The following CALN1 variants were observed in gnomAD, a reference collection of about 807,000 sequenced individuals.
CALN1 encodes calneuron 1, also known as calcium-binding protein 8.
CALN1 carries 17 observed loss-of-function variants against 30.6 expected under a neutral mutation model. The observed-to-expected ratio is 0.56, with a 90% confidence interval of 0.38 to 0.83. The LOEUF (loss-of-function observed/expected upper bound fraction) is 0.83, where lower values mean the gene tolerates loss of function less well. Ranked by LOEUF, CALN1 falls within the 40% of genes least tolerant of loss-of-function variation. The pLI, the probability that CALN1 is intolerant of heterozygous loss-of-function variation, is 0.00. For missense variants in CALN1, 291 were observed against 354.9 expected (o/e 0.82, Z 1.45); for synonymous variants, 156 against 131.4 (o/e 1.19, Z -1.28).
chr7:72,199,939 G>A (rs1314776030), intron 3 of CALN1, among the ~76,000 whole-genome samples: 1 of 152,098 alleles, frequency 6.6e-6, no homozygotes, highest in Non-Finnish European at 1.5e-5. Context: ...GCTTGTCCTG[G>A]TTCTACCTCA....
intron 3 of CALN1, among the ~76,000 whole-genome samples, chr7:72,243,212 C>G (rs1030490402): frequency 6.6e-6 from 1 of 151,356 alleles, no homozygotes; most frequent in Non-Finnish European, 1.5e-5. Context: ...GGACTGAGCT[C>G]TCTCTCTCTC....
intron 4 of CALN1, among the ~76,000 whole-genome samples, chr7:72,090,134 C>CT (rs1805754389): frequency 6.6e-6 from 1 of 151,984 alleles, no homozygotes; most frequent in Admixed American, 6.6e-5. Flanking sequence ...CCCATGTCTA[C>CT]TAAAAAAAAG....
chr7:72,260,578 T>C (rs1796198457), intron 3 of CALN1, among the ~76,000 whole-genome samples: 1 of 152,144 alleles, frequency 6.6e-6, no homozygotes, highest in South Asian at 2.1e-4. Flanking sequence ...AGGGCACTTT[T>C]CCCAGAAAGA....
In CALN1 at chr7:72,063,748, T is replaced by A. The variant is rs142604716; in HGVS notation, c.389-39979A>T. Among the ~76,000 whole-genome samples the A allele has an allele frequency of 2.9e-3, 445 of 152,324 alleles. 2 individuals carry two copies. Among genetic ancestry groups the A allele is most frequent in the Admixed American group, 6.6e-3 (101 of 15,300 alleles). On this transcript the variant is annotated intron_variant, in intron 4 of 6. Transcript: ENST00000395275. Reference sequence around the variant, plus strand: ...ATCTGAAACATTTTGAGTGACAACCTGACGTGGAAAGGAAATGCTCATTGG... The same window carrying A: ...ATCTGAAACATTTTGAGTGACAACCAGACGTGGAAAGGAAATGCTCATTGG...
At chr7:72,099,056 C>T (rs1383677418) in intron 4 of CALN1, among the ~76,000 whole-genome samples, 12 of 152,262 alleles carry the variant, frequency 7.9e-5, no homozygotes, top group Non-Finnish European at 1.5e-4. Flanking sequence ...GAATTCCAGC[C>T]GGGCCTCGTG....
At chr7:72,461,170 G>A in the CALN1 span, among the ~76,000 whole-genome samples, 3 of 152,074 alleles carry the variant, frequency 2.0e-5, no homozygotes, top group Admixed American at 6.5e-5. Context: ...GTAACACATC[G>A]GTGAGACTGT....
chr7:72,402,516 A>T (rs1806410628), intron 2 of CALN1, among the ~76,000 whole-genome samples: 1 of 152,202 alleles, frequency 6.6e-6, no homozygotes, highest in Non-Finnish European at 1.5e-5. Flanking sequence ...GACTCACCAC[A>T]GACCAATTCC....
At chr7:72,274,532 G>T (rs1297399159) in intron 3 of CALN1, among the ~76,000 whole-genome samples, 1 of 150,602 alleles carries the variant, frequency 6.6e-6, no homozygotes, top group Non-Finnish European at 1.5e-5. Context: ...ATAGTATCAC[G>T]AGATTATTCA....
intron 1 of CALN1, among the ~76,000 whole-genome samples, chr7:72,407,078 A>G (rs933387599): frequency 1.3e-5 from 2 of 152,156 alleles, no homozygotes; most frequent in Middle Eastern, 3.2e-3. Flanking sequence ...TGAGTACTCT[A>G]TCACCTGCAT....
intron 2 of CALN1, among the ~76,000 whole-genome samples, chr7:72,336,402 C>T (rs1222645266): frequency 1.3e-5 from 2 of 152,088 alleles, no homozygotes; most frequent in African/African-American, 2.4e-5. Flanking sequence ...CCAGCCCGCA[C>T]GGTGCCGGGA....
At chr7:72,132,193 C>T (rs1809197882) in intron 3 of CALN1, among the ~76,000 whole-genome samples, 1 of 152,120 alleles carries the variant, frequency 6.6e-6, no homozygotes, top group South Asian at 2.1e-4. Context: ...GTCCAAAATG[C>T]ATTTAATACA....
At position 71,793,562 on chromosome 7, in the gene CALN1, A is replaced by C. The variant is rs138944699; in HGVS notation, c.659-5660T>G. 1.3e-3 allele frequency among the ~76,000 whole-genome samples: 198 copies of C among 152,132 alleles called. 8 individuals carry two copies. The East Asian group carries it at 0.032, about 25-fold the overall frequency. On this transcript the variant is annotated intron_variant, in intron 6 of 6. Coordinates refer to ENST00000395275, the MANE Select transcript of CALN1 (RefSeq NM_031468.4). The stretch of plus-strand genomic sequence containing the variant: ...TAGGCCTCAATTTTCTCATCTATAA[A>C]ATGGGATAATAAGATCTATCTTTGT...
intron 5 of CALN1, among the ~76,000 whole-genome samples, chr7:71,890,007 T>C (rs1489229622): frequency 1.3e-5 from 2 of 151,782 alleles, no homozygotes; most frequent in African/African-American, 2.4e-5. Context: ...AGAGTGTAAA[T>C]TCTCAGAGAA....
At chr7:72,050,858 C>G (rs996158791) in intron 4 of CALN1, among the ~76,000 whole-genome samples, 2 of 151,756 alleles carry the variant, frequency 1.3e-5, no homozygotes, top group Non-Finnish European at 2.9e-5. Flanking sequence ...CAAAAATTAG[C>G]CAAGCATGGT....
At chr7:71,921,657 T>C (rs1162834252) in intron 5 of CALN1, among the ~76,000 whole-genome samples, 1 of 152,094 alleles carries the variant, frequency 6.6e-6, no homozygotes, top group East Asian at 1.9e-4. Flanking sequence ...AAAAAAGAAA[T>C]ATCTACCACG....
At chr7:72,374,635 A>T (rs943188304) in intron 2 of CALN1, among the ~76,000 whole-genome samples, 1 of 152,128 alleles carries the variant, frequency 6.6e-6, no homozygotes, top group Non-Finnish European at 1.5e-5. Flanking sequence ...AACTTCAAAC[A>T]AACTTAGAGC....
intron 5 of CALN1, among the ~76,000 whole-genome samples, chr7:71,954,234 G>C (rs1434738681): frequency 6.6e-6 from 1 of 152,082 alleles, no homozygotes; most frequent in Admixed American, 6.6e-5. Context: ...CCGAGGGGCT[G>C]ATCATGTGAG....
In CALN1 at chr7:71,884,145, C is replaced by T. The variant is rs1386892654; in HGVS notation, c.502-73653G>A. On this transcript the variant is annotated intron_variant, in intron 5 of 6. Coordinates refer to ENST00000395275, the MANE Select transcript of CALN1 (RefSeq NM_031468.4). ...GGCCAGGATGGTCTTGATCTCCTGA[C>T]CTCATGATCTGTCCCCCTCGGCCTC... 2.0e-5 allele frequency among the ~76,000 whole-genome samples: 3 copies of T among 152,238 alleles called. 1 individual carries two copies. The highest frequency in any genetic ancestry group is 7.2e-5 in the African/African-American group (3 of 41,548).
At chr7:71,983,368 C>A (rs1318366796) in intron 5 of CALN1, among the ~76,000 whole-genome samples, 1 of 152,140 alleles carries the variant, frequency 6.6e-6, no homozygotes. Flanking sequence ...GTAAAGAATG[C>A]AACCTAACCA....
Sources: allele counts gnomAD v4.1 joint callset (sites outside exome capture counted in the v4.1 genomes callset), GRCh38; gene constraint gnomAD v4.1.1; transcripts MANE v1.5; gene names NCBI Gene and HGNC (gene_info 2026-07-23, HGNC 2026-07-21).